The following GMPR variants were observed in gnomAD, a reference collection of about 807,000 sequenced individuals.
GMPR encodes the protein GMP reductase 1.
A neutral mutation model predicts 38.4 loss-of-function variants in GMPR; 31 were observed. The ratio of observed to expected loss-of-function variants is 0.81; its 90% CI spans 0.61 to 1.09. The LOEUF (loss-of-function observed/expected upper bound fraction) is 1.09, where lower values mean the gene tolerates loss of function less well. Among genes scored for constraint, GMPR ranks in the 50% least tolerant of loss-of-function variants. The pLI is 0.00. For synonymous variants in GMPR, 162 were observed against 173.3 expected (o/e 0.93, Z 0.51); for missense variants, 468 against 453.7 (o/e 1.03, Z -0.29).
intron 7 of GMPR, among the ~76,000 whole-genome samples, chr6:16,289,264 C>T (rs1294100558): frequency 1.3e-5 from 2 of 152,298 alleles, no homozygotes; most frequent in South Asian, 2.1e-4. Flanking sequence ...CAGTGAGAGT[C>T]TATGGCTTCA....
intron 4 of GMPR, chr6:16,262,991 G>A (rs1410031548): frequency 6.6e-6 from 1 of 152,038 alleles, no homozygotes; most frequent in Non-Finnish European, 1.5e-5. Context: ...AGGATTATAG[G>A]GTGGAGGAGC....
At chr6:16,269,011 CAAA>C (rs915030489) in intron 4 of GMPR, among the ~76,000 whole-genome samples, 2 of 151,288 alleles carry the variant, frequency 1.3e-5, no homozygotes, top group Non-Finnish European at 2.9e-5. Flanking sequence ...ATTTAAAAAA[CAAA>C]AATTTTATTT....
chr6:16,286,341 TG>T (rs1260657685), intron 7 of GMPR, among the ~76,000 whole-genome samples: 1 of 151,852 alleles, frequency 6.6e-6, no homozygotes, highest in Admixed American at 6.6e-5. Flanking sequence ...AGCTTTTCTC[TG>T]GAAAGCACTA....
At chr6:16,276,779 G>A (rs985421822) in intron 5 of GMPR, among the ~76,000 whole-genome samples, 5 of 152,178 alleles carry the variant, frequency 3.3e-5, no homozygotes, top group Non-Finnish European at 7.3e-5. Context: ...GATGTCTATT[G>A]ATTGATAGAT....
Position 16,246,907 on chromosome 6 carries a change from C to G in GMPR, c.153C>G (p.Ile51Met), listed in dbSNP as rs200506239. Residue 51 changes from isoleucine to methionine, a missense_variant, in exon 2 of 9, where the codon ATC becomes ATG. Transcript: ENST00000259727. ...SKQTYSGIPI[I>M]VANMDTVGTF... ...AGACCTACTCAGGGATTCCCATCAT[C>G]GTGGCCAACATGGACACTGTGGGCA... 1.2e-6 allele frequency: 2 copies of G among 1,613,398 alleles called. No individual in the cohort carries two copies. Among genetic ancestry groups the G allele is most frequent in the African/African-American group, 1.3e-5 (1 of 74,872 alleles).
chr6:16,280,340 G>A (rs1759553084), intron 6 of GMPR, among the ~76,000 whole-genome samples: 2 of 152,072 alleles, frequency 1.3e-5, no homozygotes, highest in African/African-American at 2.4e-5. Context: ...AGATTGCCTG[G>A]GCCCCTTCTA....
chr6:16,239,817 C>G (rs1758611875), intron 1 of GMPR, among the ~76,000 whole-genome samples: 2 of 152,240 alleles, frequency 1.3e-5, no homozygotes, highest in South Asian at 4.1e-4. Context: ...GAAGCCTCCG[C>G]GTTAGCCAAT....
chr6:16,289,644 T>C (rs558781417), intron 7 of GMPR: 9 of 149,076 alleles, frequency 6.0e-5, no homozygotes, highest in African/African-American at 2.3e-4. Flanking sequence ...TTTAGACGAC[T>C]TCCATAACAC....
chr6:16,261,030 T>C (rs1759073703), intron 4 of GMPR, among the ~76,000 whole-genome samples: 1 of 151,796 alleles, frequency 6.6e-6, no homozygotes, highest in African/African-American at 2.4e-5. Context: ...TTGAGCATAG[T>C]TTGTGATTTT....
At chr6:16,248,766 C>T (rs2113670627) in intron 2 of GMPR, among the ~76,000 whole-genome samples, 1 of 152,254 alleles carries the variant, frequency 6.6e-6, no homozygotes, top group Non-Finnish European at 1.5e-5. Flanking sequence ...TCAGCCATTG[C>T]TACTAATGAA....
chr6:16,262,129 A>G (rs973587006), intron 4 of GMPR: 7 of 151,826 alleles, frequency 4.6e-5, no homozygotes, highest in Non-Finnish European at 7.3e-5. Flanking sequence ...AAAGAAGGCA[A>G]TGTGGAGTGG....
At chr6:16,245,614 C>CACA (rs1758737406) in intron 1 of GMPR, among the ~76,000 whole-genome samples, 2 of 152,198 alleles carry the variant, frequency 1.3e-5, no homozygotes, top group African/African-American at 2.4e-5. Flanking sequence ...TTGTGTCTAT[C>CACA]GGAGTCCAGC....
At chr6:16,289,001 T>A (rs572355888) in intron 7 of GMPR, among the ~76,000 whole-genome samples, 74 of 152,122 alleles carry the variant, frequency 4.9e-4, no homozygotes, top group Non-Finnish European at 9.3e-4. Flanking sequence ...TGGGGCCAGA[T>A]AAGAGAATAA....
chr6:16,275,874 A>T (rs1176124685), intron 5 of GMPR, among the ~76,000 whole-genome samples: 1 of 152,126 alleles, frequency 6.6e-6, no homozygotes, highest in Non-Finnish European at 1.5e-5. Flanking sequence ...CCTGGGCAAC[A>T]TGGTGAAACT....
At position 16,278,740 on chromosome 6, in the gene GMPR, C is replaced by G. The variant is rs1759522890; in HGVS notation, c.548-44C>G. Reference sequence around the variant, plus strand: ...GACGCATTTCATGTCACAGTCTTCTCATGTATAACCATCTATTTGGGGACA... The same window carrying G: ...GACGCATTTCATGTCACAGTCTTCTGATGTATAACCATCTATTTGGGGACA... On this transcript the variant is annotated intron_variant, in intron 5 of 8. Coordinates refer to ENST00000259727, the MANE Select transcript of GMPR (RefSeq NM_006877.4). 2.3e-6 allele frequency: 3 copies of G among 1,305,404 alleles called. No individual in the cohort carries two copies. The South Asian group carries it at 3.5e-5, about 15-fold the overall frequency. The allele number at this position is 1,305,404 out of a possible 1,614,324, so 80.9% of individuals were successfully genotyped here.
rs77813716 is a variant in GMPR, at chr6:16,295,251, C to A, written c.*65C>A. On this transcript the variant is annotated 3_prime_UTR_variant, in exon 9 of 9. Coordinates refer to ENST00000259727, the MANE Select transcript of GMPR (RefSeq NM_006877.4). ...CCAAACCTGCTTTTCCCATCTCCCC[C>A]CAAGTCTGTTCCGTCAGAGCTTCTG... is the stretch of plus-strand genomic sequence containing the variant. The A allele has an allele frequency of 4.9e-6, 6 of 1,230,556 alleles. No homozygotes were observed. The highest frequency in any genetic ancestry group is 3.2e-5 in the African/African-American group (2 of 63,154). 76.2% of individuals were successfully genotyped at this position (1,230,556 alleles called of 1,614,324 possible).
chr6:16,254,467 G>A (rs1758934368), intron 3 of GMPR, 95 bp from the exon 4 acceptor site: 1 of 1,045,284 alleles, frequency 9.6e-7, no homozygotes, highest in South Asian at 1.4e-5. Flanking sequence ...GAAAAGGGTT[G>A]TTGTACTGTC....
At position 16,274,126 on chromosome 6, in the gene GMPR, TTTG is replaced by T. The variant is rs1278924944; in HGVS notation, c.466-276_466-274del. ...ACCAAGCCCAGCCTCCTCTAAGATT[TTTG>T]TTGTTGTTGTTGATTGCTGAGATGT... is the stretch of plus-strand genomic sequence containing the variant. On this transcript the variant is annotated intron_variant, in intron 4 of 8. Coordinates refer to ENST00000259727, the MANE Select transcript of GMPR (RefSeq NM_006877.4). Among the ~76,000 whole-genome samples, 6 of 152,186 alleles carry T rather than the reference TTTG, an allele frequency of 3.9e-5. No homozygotes were observed. In the South Asian group the frequency reaches 1.0e-3, roughly 26 times the overall value.
intron 4 of GMPR, among the ~76,000 whole-genome samples, chr6:16,266,074 C>T (rs969026648): frequency 2.0e-5 from 3 of 151,556 alleles, no homozygotes; most frequent in Non-Finnish European, 4.4e-5. Flanking sequence ...ATGAACAACT[C>T]CCGACGGGCT....
Sources: gnomAD v4.1 joint callset for allele counts (sites outside exome capture counted in the v4.1 genomes callset) on GRCh38, gnomAD v4.1.1 for gene constraint, MANE v1.5 for transcripts, NCBI Gene and HGNC (gene_info 2026-07-23, HGNC 2026-07-21) for gene names.